The following CHRNA2 variants were observed in gnomAD, a reference collection of about 807,000 sequenced individuals.
The protein encoded by CHRNA2 is cholinergic receptor nicotinic alpha 2 subunit, also known as neuronal acetylcholine receptor subunit alpha-2.
CHRNA2 carries 40 observed loss-of-function variants against 45.5 expected under a neutral mutation model. The ratio of observed to expected loss-of-function variants is 0.88; its 90% CI spans 0.68 to 1.15. CHRNA2 has a LOEUF of 1.15. CHRNA2 is among the 50% of genes most tolerant of loss of function. The pLI is 0.00. For synonymous variants in CHRNA2, 301 were observed against 296.7 expected, an observed-to-expected ratio of 1.01 and a Z score of -0.15; for missense variants, 655 against 701.7, an observed-to-expected ratio of 0.93 and a Z score of 0.75.
In CHRNA2 at chr8:27,469,327, G is replaced by A. The variant is rs768490793; in HGVS notation, c.339+8C>T. On this transcript the variant is annotated splice_region_variant and intron_variant, in intron 4 of 6. Coordinates refer to ENST00000407991, the MANE Select transcript of CHRNA2 (RefSeq NM_000742.4). ...CCGCCACCTGGACTGGAGGAGGGGG[G>A]CCCTCACCTGTTTTAGCCAGACGTT... 7.8e-5 allele frequency: 120 copies of A among 1,548,338 alleles called. 1 individual carries two copies. Among genetic ancestry groups the A allele is most frequent in the Non-Finnish European group, 1.7e-6 (2 of 1,145,610 alleles).
rs1239638299 is a variant in CHRNA2 at position 27,478,978 on chromosome 8, G to A, written c.-291C>T. ...ATTTCATGGTCAAACAGAGGCTGAAGAGTGAGGGTTTAGGAGACACCCCGT... is the reference window on the plus strand; with the variant it reads ...ATTTCATGGTCAAACAGAGGCTGAAAAGTGAGGGTTTAGGAGACACCCCGT... On this transcript the variant is annotated 5_prime_UTR_variant, in exon 1 of 7. Coordinates refer to ENST00000407991, the MANE Select transcript of CHRNA2 (RefSeq NM_000742.4). 1.3e-5 allele frequency: 2 copies of A among 152,184 alleles called. No homozygotes were observed. The highest frequency in any genetic ancestry group is 2.4e-5 in the African/African-American group (1 of 41,398). The allele number at this position is 152,184 out of a possible 1,614,324, so 9.4% of individuals were successfully genotyped here.
At position 27,463,769 on chromosome 8, in the gene CHRNA2, T is replaced by C; in HGVS notation, c.674A>G (p.Tyr225Cys). ...QMEQTVDLKD[Y>C]WESGEWAIVN... is the part of the protein sequence containing the mutation. ...GATGGCCCACTCGCCGCTCTCCCAGTAGTCCTTCAGGTCCACAGTCTGCTC... is the reference window on the plus strand; with the variant it reads ...GATGGCCCACTCGCCGCTCTCCCAGCAGTCCTTCAGGTCCACAGTCTGCTC... The change falls in exon 6 of 7, where the codon TAC (tyrosine) becomes TGC (cysteine). Residue 225 changes from tyrosine to cysteine, a missense_variant. Tyr to Cys is a radical substitution (Grantham distance 194). Coordinates refer to ENST00000407991, the MANE Select transcript of CHRNA2 (RefSeq NM_000742.4). The surrounding 1 kb of genome is among the most constrained non-coding windows in gnomAD (Gnocchi z 6.1). The C allele has an allele frequency of 6.2e-7, 1 of 1,614,090 alleles. No homozygotes were observed.
chr8:27,469,180 C>T (rs1189376797), intron 4 of CHRNA2, among the ~76,000 whole-genome samples, 155 bp downstream of exon 4: 1 of 152,172 alleles, frequency 6.6e-6, no homozygotes, highest in Non-Finnish European at 1.5e-5. Flanking sequence ...TGGAAAAAGT[C>T]AGCTTTGGGA....
intron 2 of CHRNA2, 33 bp from the exon 3 acceptor site, chr8:27,470,014 G>A: frequency 3.8e-6 from 6 of 1,593,012 alleles, no homozygotes; most frequent in Non-Finnish European, 5.1e-6. Flanking sequence ...CAGCCTCACT[G>A]AGCCTCAGTT....
intron 1 of CHRNA2, among the ~76,000 whole-genome samples, chr8:27,477,973 G>A (rs757766630): frequency 9.9e-5 from 15 of 151,900 alleles, no homozygotes; most frequent in Non-Finnish European, 1.6e-4. Context: ...TCCTGGTTCC[G>A]TGGAGGTCAA....
chr8:27,461,457 C>T lies in CHRNA2; in HGVS notation c.*172G>A. ...GCTTTGCACCCAGCAGGCTGTCAGC[C>T]CTGGTACAATAACGTTAAGCTGGAT... On this transcript the variant is annotated 3_prime_UTR_variant, in exon 7 of 7. Transcript: ENST00000407991. The T allele has an allele frequency of 1.1e-6, 1 of 917,922 alleles. No homozygotes were observed. 56.9% of individuals were successfully genotyped at this position (917,922 alleles called of 1,614,324 possible). A position where few individuals can be genotyped will look rare whatever the true frequency, so the allele number is the denominator to read the frequency against.
At position 27,463,253 on chromosome 8, in the gene CHRNA2, A is replaced by G; in HGVS notation, c.1190T>C (p.Leu397Pro). The G allele has an allele frequency of 6.3e-7, 1 of 1,599,204 alleles. No individual in the cohort carries two copies. Among genetic ancestry groups the G allele is most frequent in the East Asian group, 2.2e-5 (1 of 44,628 alleles). ...CTCCAGCCAGTGATAAGAGGGGCTG[A>G]GCTTCAGGCGTAGGGGGTGGCAGAG... The part of the protein sequence containing the change: ...VELCHPLRLK[L>P]SPSYHWLESN... The change falls in exon 6 of 7, where the codon CTC (leucine) becomes CCC (proline). Residue 397 changes from leucine to proline, a missense_variant. Leu to Pro is a moderately conservative substitution (Grantham distance 98, BLOSUM62 -3). Around this residue, in one of 3 missense-constraint regions of CHRNA2, gnomAD observed 295 missense variants for 280.4 expected, o/e 1.05. Coordinates refer to ENST00000407991, the MANE Select transcript of CHRNA2 (RefSeq NM_000742.4). The surrounding 1 kb of genome is among the most constrained non-coding windows in gnomAD (Gnocchi z 6.1).
intron 1 of CHRNA2, chr8:27,475,330 T>A (rs1813028394): frequency 6.6e-6 from 1 of 152,190 alleles, no homozygotes; most frequent in African/African-American, 2.4e-5. Flanking sequence ...GTTGAACAAA[T>A]GTGGTCTATC....
At chr8:27,462,402 GCAGA>G (rs1458992158) in intron 6 of CHRNA2, among the ~76,000 whole-genome samples, 11 of 152,284 alleles carry the variant, frequency 7.2e-5, no homozygotes, top group African/African-American at 2.6e-4. Flanking sequence ...CTGCTCAATG[GCAGA>G]CAGGAGCTGG....
At chr8:27,462,194 C>A (rs1812514521) in intron 6 of CHRNA2, among the ~76,000 whole-genome samples, 3 of 152,254 alleles carry the variant, frequency 2.0e-5, no homozygotes, top group Admixed American at 1.3e-4. Flanking sequence ...GTGGTTGGGA[C>A]CCCAGGCAGG....
chr8:27,478,213 A>G (rs1186688384), intron 1 of CHRNA2, among the ~76,000 whole-genome samples: 1 of 152,222 alleles, frequency 6.6e-6, no homozygotes, highest in Non-Finnish European at 1.5e-5. Context: ...TAGAGAAACC[A>G]GTATGATTTC....
intron 2 of CHRNA2, among the ~76,000 whole-genome samples, chr8:27,470,529 C>T (rs1321258352): frequency 3.9e-5 from 6 of 152,234 alleles, no homozygotes; most frequent in African/African-American, 9.6e-5. Context: ...TCTATGGCAT[C>T]GCTCATGTCA....
rs1470387716 is a variant in CHRNA2, at chr8:27,463,442, A to G, written c.1001T>C (p.Phe334Ser). The change falls in exon 6 of 7, where the codon TTC becomes TCC. Residue 334 changes from phenylalanine to serine, a missense_variant. Coordinates refer to ENST00000407991, the MANE Select transcript of CHRNA2 (RefSeq NM_000742.4). This position sits in a 1 kb window ranked among gnomAD's most constrained non-coding sequence, Gnocchi z 6.1. ...GGACAGGGTGACGAAGATCATGGTGAACAGCAGGTACTCGCCGATGAGCGG... is the reference window on the plus strand; with the variant it reads ...GGACAGGGTGACGAAGATCATGGTGGACAGCAGGTACTCGCCGATGAGCGG... The part of the protein sequence containing the change: ...VIPLIGEYLL[F>S]TMIFVTLSIV... The G allele has an allele frequency of 1.9e-6, 3 of 1,614,208 alleles. No homozygotes were observed. Among genetic ancestry groups the G allele is most frequent in the Non-Finnish European group, 2.5e-6 (3 of 1,180,036 alleles).
Position 27,463,530 on chromosome 8 carries a change from G to A in CHRNA2, c.913C>T (p.Leu305=), listed in dbSNP as rs114294066. Residue 305 remains leucine, a synonymous_variant, in exon 6 of 7, where the codon CTG becomes TTG. Transcript: ENST00000407991. This position sits in a 1 kb window ranked among gnomAD's most constrained non-coding sequence, Gnocchi z 6.1. ...EKITLCISVL[L]SLTVFLLLIT... ...AGCAGCAGGAAGACGGTGAGTGACAGCAGCACCGAAATGCACAGCGTGATC... is the reference window on the plus strand; with the variant it reads ...AGCAGCAGGAAGACGGTGAGTGACAACAGCACCGAAATGCACAGCGTGATC... The A allele has an allele frequency of 2.3e-3, 3,693 of 1,614,230 alleles. 81 individuals carry two copies. In the African/African-American group the frequency reaches 0.044, roughly 19 times the overall value.
chr8:27,468,913 T>G (rs1812782304), intron 4 of CHRNA2, among the ~76,000 whole-genome samples: 1 of 152,208 alleles, frequency 6.6e-6, no homozygotes, highest in Admixed American at 6.5e-5. Context: ...CACTCAGCGT[T>G]CTCCCATAGA....
At chr8:27,461,986 A>G (rs1441971175) in intron 6 of CHRNA2, among the ~76,000 whole-genome samples, 1 of 152,196 alleles carries the variant, frequency 6.6e-6, no homozygotes, top group Admixed American at 6.5e-5. Context: ...GCCCCTCCAC[A>G]TGCCCAGACC....
At chr8:27,469,706 C>G in intron 3 of CHRNA2, 55 bp downstream of exon 3, 5 of 1,597,264 alleles carry the variant, frequency 3.1e-6, no homozygotes, top group Non-Finnish European at 4.3e-6. Flanking sequence ...AGGGGGAAAG[C>G]GGTGGGTGGT....
At chr8:27,467,151 G>A in intron 5 of CHRNA2, 78 bp downstream of exon 5, 5 of 1,103,634 alleles carry the variant, frequency 4.5e-6, no homozygotes, top group Non-Finnish European at 7.0e-6. Flanking sequence ...ACACCAGGGG[G>A]GCCCCTCCCA....
intron 1 of CHRNA2, among the ~76,000 whole-genome samples, chr8:27,473,526 C>CT (rs1426756745): frequency 1.7e-5 from 2 of 115,940 alleles, no homozygotes; most frequent in African/African-American, 3.3e-5. Context: ...ATAGTGAGAC[C>CT]CCCCCCGCCG....
Sources: allele counts gnomAD v4.1 joint callset (sites outside exome capture counted in the v4.1 genomes callset), GRCh38; gene constraint gnomAD v4.1.1; regional missense constraint gnomAD v4.1.1; non-coding constraint Gnocchi (gnomAD v3.1); transcripts MANE v1.5; gene names NCBI Gene and HGNC (gene_info 2026-07-23, HGNC 2026-07-21).